Variants in PCIF1 observed in about 807,000 individuals in gnomAD.
PCIF1 encodes the protein phosphorylated CTD interacting factor 1.
In PCIF1, 12 loss-of-function variants were observed where a neutral mutation model predicts 86.9. The observed-to-expected ratio is 0.14, with a 90% CI of 0.09 to 0.22. PCIF1 has a LOEUF of 0.22. Among genes scored for constraint, PCIF1 ranks in the 10% least tolerant of loss-of-function variants. The pLI is 1.00. For missense variants in PCIF1, 701 were observed against 951.1 expected (o/e 0.74, Z 3.46); for synonymous variants, 397 against 372.0 (o/e 1.07, Z -0.77).
chr20:45,935,522 A>G (rs1237333714), intron 1 of PCIF1, among the ~76,000 whole-genome samples: 1 of 152,218 alleles, frequency 6.6e-6, no homozygotes, highest in South Asian at 2.1e-4. Context: ...GCTGGACTCT[A>G]CATATAACGG....
At position 45,944,893 on chromosome 20, in the gene PCIF1, A is replaced by G; in HGVS notation, c.1031A>G (p.Gln344Arg). 1 of 1,614,004 alleles carries G rather than the reference A, an allele frequency of 6.2e-7. No individual in the cohort carries two copies. The highest frequency in any genetic ancestry group is 8.5e-7 in the Non-Finnish European group (1 of 1,179,944). ...GATCGCCTGGAGCATCTGCGGAGGCAGTGTGGCCCCCACGTCTCGGCCGCA... is the reference window on the plus strand; with the variant it reads ...GATCGCCTGGAGCATCTGCGGAGGCGGTGTGGCCCCCACGTCTCGGCCGCA... ...YMDRLEHLRRQCGPHVSAAAK... is the reference protein window; with the variant it reads ...YMDRLEHLRRRCGPHVSAAAK... Residue 344 changes from glutamine to arginine, a missense_variant, in exon 11 of 17, where the codon CAG becomes CGG. Physicochemically the swap from Gln to Arg is conservative, Grantham distance 43. Coordinates refer to ENST00000372409, the MANE Select transcript of PCIF1 (RefSeq NM_022104.4).
chr20:45,939,529 C>T (rs1167547368), intron 4 of PCIF1, among the ~76,000 whole-genome samples, 190 bp downstream of exon 4: 1 of 152,236 alleles, frequency 6.6e-6, no homozygotes, highest in Non-Finnish European at 1.5e-5. Context: ...GACAAGTAAA[C>T]AGATGATTGC....
chr20:45,943,215 T>C lies in PCIF1; in HGVS notation c.792T>C (p.Phe264=), dbSNP rs144543839. The change falls in exon 8 of 17, where the codon TTT becomes TTC. Residue 264 remains phenylalanine (F), a synonymous_variant. Transcript: ENST00000372409. This position sits in a 1 kb window ranked among gnomAD's most constrained non-coding sequence, Gnocchi z 5.5. ...AACCAGTCGTGTCACCTTCCATGTTTCGTGAAATCATGAACGACATTCCTA... is the reference window on the plus strand; with the variant it reads ...AACCAGTCGTGTCACCTTCCATGTTCCGTGAAATCATGAACGACATTCCTA... ...NCEPVVSPSM[F]REIMNDIPIR... is the part of the protein sequence containing the mutation. 3 of 1,614,156 alleles carry C rather than the reference T, an allele frequency of 1.9e-6. No individual in the cohort carries two copies. The highest frequency in any genetic ancestry group is 4.5e-5 in the East Asian group (2 of 44,880).
rs2083451671 is a variant in PCIF1 at position 45,939,436 on chromosome 20, G to A, written c.249+97G>A. On this transcript the variant is annotated intron_variant, in intron 4 of 16. Coordinates refer to ENST00000372409, the MANE Select transcript of PCIF1 (RefSeq NM_022104.4). ...GAGCAGCCGTTCAGTGCCCAGCCCT[G>A]TGCTGGCACCTGCAGATACAATGAC... is the stretch of plus-strand genomic sequence containing the variant. The A allele has an allele frequency of 1.9e-6, 3 of 1,541,200 alleles. No homozygotes were observed. In the African/African-American group the frequency reaches 4.1e-5, roughly 21 times the overall value.
chr20:45,946,999 T>G, intron 14 of PCIF1, 74 bp from the exon 15 acceptor site: 6 of 1,295,306 alleles, frequency 4.6e-6, no homozygotes. Flanking sequence ...CTGCCTAGGG[T>G]TGGGGGGTGG....
At chr20:45,942,309 CT>C (rs71181876) in intron 7 of PCIF1, among the ~76,000 whole-genome samples, 23,879 of 109,100 alleles carry the variant, frequency 0.22, 2,121 homozygotes, top group East Asian at 0.36. Context: ...TTATGTAATA[CT>C]TTTTTTTTTT....
In PCIF1 at chr20:45,947,349, C is replaced by T; in HGVS notation, c.1794C>T (p.Arg598=). The T allele has an allele frequency of 6.2e-7, 1 of 1,614,034 alleles. No homozygotes were observed. ...AACCCCCAACACCAGCGCTCACCCG[C>T]ATGGAGCAGAGCCGCTTCAAACGCC... ...WREPPTPALT[R]MEQSRFKRHQ... Residue 598 remains arginine (R), a synonymous_variant, in exon 16 of 17, where the codon CGC becomes CGT. Coordinates refer to ENST00000372409, the MANE Select transcript of PCIF1 (RefSeq NM_022104.4). The surrounding 1 kb of genome is among the most constrained non-coding windows in gnomAD (Gnocchi z 5.4).
chr20:45,939,103 G>T lies in PCIF1; in HGVS notation c.104G>T (p.Arg35Leu), dbSNP rs767144550. The T allele has an allele frequency of 6.2e-7, 1 of 1,614,058 alleles. No individual in the cohort carries two copies. The highest frequency in any genetic ancestry group is 2.2e-5 in the East Asian group (1 of 44,868). ...CAGCCCTGTTCTCCAAAGCCAATCCGCCTGGTTCAGGACCTCCCAGGTACT... is the reference window on the plus strand; with the variant it reads ...CAGCCCTGTTCTCCAAAGCCAATCCTCCTGGTTCAGGACCTCCCAGGTACT... Reference protein sequence around the residue: ...QSQPCSPKPIRLVQDLPEELV... With the variant: ...QSQPCSPKPILLVQDLPEELV... The change falls in exon 3 of 17, where the codon CGC becomes CTC. Residue 35 changes from arginine to leucine, a missense_variant. Transcript: ENST00000372409.
intron 7 of PCIF1, among the ~76,000 whole-genome samples, chr20:45,941,735 G>C (rs2083471916): frequency 6.6e-6 from 1 of 152,040 alleles, no homozygotes; most frequent in Admixed American, 6.6e-5. Context: ...TGGGATTACA[G>C]GCATGAGCCA....
rs2083447897 is a variant in PCIF1 at position 45,939,022 on chromosome 20, G to GC, written c.28dup (p.Arg10ProfsTer98). The GC allele has an allele frequency of 3.1e-6, 5 of 1,614,048 alleles. No individual in the cohort carries two copies. The highest frequency in any genetic ancestry group is 3.4e-6 in the Non-Finnish European group (4 of 1,179,990). On this transcript the variant is annotated frameshift_variant, in exon 3 of 17. Coordinates refer to ENST00000372409, the MANE Select transcript of PCIF1 (RefSeq NM_022104.4). LOFTEE classifies it high-confidence loss of function. Reference sequence around the variant, plus strand: ...GAGATGGCCAATGAGAATCACGGCAGCCCCCGGGAGGAAGCGTCCCTGCTG... The same window carrying GC: ...GAGATGGCCAATGAGAATCACGGCAGCCCCCCGGGAGGAAGCGTCCCTGCTG...
chr20:45,946,939 A>G (rs753406531), intron 14 of PCIF1, 134 bp from the exon 15 acceptor site: 11 of 696,600 alleles, frequency 1.6e-5, no homozygotes, highest in Admixed American at 2.6e-5. Context: ...TTGTGCCCCA[A>G]TGAATTAGGG....
At chr20:45,939,765 T>G (rs1227773756) in intron 4 of PCIF1, among the ~76,000 whole-genome samples, 1 of 151,610 alleles carries the variant, frequency 6.6e-6, no homozygotes, top group Non-Finnish European at 1.5e-5. Context: ...AGAGAGTGAG[T>G]GAGTGTGGGG....
chr20:45,947,877 C>G lies in PCIF1; in HGVS notation c.*122C>G. On this transcript the variant is annotated 3_prime_UTR_variant, in exon 17 of 17. Coordinates refer to ENST00000372409, the MANE Select transcript of PCIF1 (RefSeq NM_022104.4). This position sits in a 1 kb window ranked among gnomAD's most constrained non-coding sequence, Gnocchi z 5.4. ...TATGAAGATTATGGTTCTGCCAGGG[C>G]TCCCCTCCCTGCCTGTCCCCAAGTC... is the stretch of plus-strand genomic sequence containing the variant. 1 of 1,530,616 alleles carries G rather than the reference C, an allele frequency of 6.5e-7. No homozygotes were observed. The highest frequency in any genetic ancestry group is 1.7e-4 in the Middle Eastern group (1 of 5,910). 94.8% of individuals were successfully genotyped at this position (1,530,616 alleles called of 1,614,324 possible).
chr20:45,943,070 G>A lies in PCIF1; in HGVS notation c.674-27G>A. 1 of 1,608,854 alleles carries A rather than the reference G, an allele frequency of 6.2e-7. No individual in the cohort carries two copies. The highest frequency in any genetic ancestry group is 8.5e-7 in the Non-Finnish European group (1 of 1,176,886). Reference sequence around the variant, plus strand: ...AGTGGGACTGCTTGATTAAATCCAGGCCTTCAGCAGCTCTCCTGTCCTGCA... The same window carrying A: ...AGTGGGACTGCTTGATTAAATCCAGACCTTCAGCAGCTCTCCTGTCCTGCA... On this transcript the variant is annotated intron_variant, in intron 7 of 16. Transcript: ENST00000372409. The surrounding 1 kb of genome is among the most constrained non-coding windows in gnomAD (Gnocchi z 5.5).
At chr20:45,938,593 G>A (rs187644538) in intron 2 of PCIF1, among the ~76,000 whole-genome samples, 86 of 152,318 alleles carry the variant, frequency 5.6e-4, no homozygotes, top group Middle Eastern at 3.4e-3. Context: ...AGTTCTGACA[G>A]TTTAGTGGGG....
chr20:45,943,375 G>T lies in PCIF1; in HGVS notation c.857G>T (p.Arg286Leu), dbSNP rs755368530. Reference protein sequence around the residue: ...SRIKFREEAKRLLFKYAEAAR... With the variant: ...SRIKFREEAKLLLFKYAEAAR... The stretch of plus-strand genomic sequence containing the variant: ...ATCAAGTTCCGGGAGGAAGCCAAGC[G>T]CCTGCTCTTTAAATATGCGGAGGCC... Residue 286 changes from arginine (R) to leucine (L), a missense_variant, in exon 9 of 17, where the codon CGC becomes CTC. By Grantham distance (102) the Arg-to-Leu change is moderately radical. Around this residue, in one of 7 missense-constraint regions of PCIF1, gnomAD observed 129 missense variants for 245.9 expected, o/e 0.52. Transcript: ENST00000372409. The surrounding 1 kb of genome is among the most constrained non-coding windows in gnomAD (Gnocchi z 5.5). 1 of 1,614,094 alleles carries T rather than the reference G, an allele frequency of 6.2e-7. No homozygotes were observed. Among genetic ancestry groups the T allele is most frequent in the Admixed American group, 1.7e-5 (1 of 60,020 alleles).
At chr20:45,935,822 AT>A (rs547747854) in intron 1 of PCIF1, among the ~76,000 whole-genome samples, 6,045 of 139,752 alleles carry the variant, frequency 0.043, 204 homozygotes, top group African/African-American at 0.096. Context: ...CAGGAGTCTG[AT>A]TTTTTTTTTT....
Position 45,937,542 on chromosome 20 carries a change from T to C in PCIF1, c.-63T>C, listed in dbSNP as rs1055094745. On this transcript the variant is annotated 5_prime_UTR_variant, in exon 2 of 17. Coordinates refer to ENST00000372409, the MANE Select transcript of PCIF1 (RefSeq NM_022104.4). ...GGGACCCTGTGGGGGTCCATCCGGCTGGAGAAGAAAAGCCTCTCATGCTAA... is the reference window on the plus strand; with the variant it reads ...GGGACCCTGTGGGGGTCCATCCGGCCGGAGAAGAAAAGCCTCTCATGCTAA... The C allele has an allele frequency of 1.0e-5, 4 of 399,068 alleles. No individual in the cohort carries two copies. The highest frequency in any genetic ancestry group is 1.3e-5 in the Non-Finnish European group (3 of 226,088). The allele number at this position is 399,068 out of a possible 1,614,324, so 24.7% of individuals were successfully genotyped here. A position where few individuals can be genotyped will look rare whatever the true frequency, so the allele number is the denominator to read the frequency against.
At chr20:45,942,460 A>G (rs1031881694) in intron 7 of PCIF1, among the ~76,000 whole-genome samples, 5 of 150,466 alleles carry the variant, frequency 3.3e-5, no homozygotes, top group Admixed American at 1.3e-4. Context: ...GAATATGGGC[A>G]CATGCCACCA....
Sources: gnomAD v4.1 joint callset for allele counts (sites outside exome capture counted in the v4.1 genomes callset) on GRCh38, gnomAD v4.1.1 for gene constraint, gnomAD v4.1.1 regional missense constraint, Gnocchi (gnomAD v3.1) non-coding constraint, MANE v1.5 for transcripts, NCBI Gene and HGNC (gene_info 2026-07-23, HGNC 2026-07-21) for gene names.